Variants in PDZD7 observed in about 807,000 individuals in gnomAD.
The protein encoded by PDZD7 is PDZ domain-containing protein 7.
PDZD7 carries 72 observed loss-of-function variants against 84.7 expected under a neutral mutation model. That is an observed-to-expected ratio of 0.85 (90% confidence interval 0.70 to 1.03). The LOEUF (loss-of-function observed/expected upper bound fraction) is 1.03. Ranked by LOEUF, PDZD7 falls within the 50% of genes least tolerant of loss-of-function variation. The pLI is 0.00. For synonymous variants in PDZD7, 594 were observed against 580.7 expected (o/e 1.02, Z -0.33); for missense variants, 1,490 against 1,412.9 (o/e 1.05, Z -0.87).
intron 11 of PDZD7, among the ~76,000 whole-genome samples, chr10:101,012,606 G>A (rs1316119629): frequency 5.9e-5 from 9 of 152,020 alleles, no homozygotes; most frequent in Non-Finnish European, 1.3e-4. Flanking sequence ...TCAGAGAGAA[G>A]GACTTCACTC....
chr10:101,015,522 C>T, intron 11 of PDZD7, 114 bp downstream of exon 11: 6 of 1,284,936 alleles, frequency 4.7e-6, no homozygotes, highest in Non-Finnish European at 5.3e-6. Flanking sequence ...TTACTGACCA[C>T]TAGCCTCCTG....
At chr10:101,011,609 G>A in intron 14 of PDZD7, 81 bp downstream of exon 14, 1 of 1,512,706 alleles carries the variant, frequency 6.6e-7, no homozygotes, top group Non-Finnish European at 8.8e-7. Context: ...CCCTAGTGGG[G>A]AAAGAAGTAG....
rs1321194809 is a variant in PDZD7, at chr10:101,009,343, G to A, written c.2625C>T (p.Ser875=). ...CCTTGGACTCAATGCCCCCAGAAATGCTGATACCTAGTGACAGGGAGAAAC... is the reference window on the plus strand; with the variant it reads ...CCTTGGACTCAATGCCCCCAGAAATACTGATACCTAGTGACAGGGAGAAAC... The part of the protein sequence containing the change: ...LSKMKQSLGI[S]ISGGIESKVQ... Residue 875 remains serine, a synonymous_variant, in exon 16 of 17, where the codon AGC becomes AGT. Coordinates refer to ENST00000619208, the MANE Select transcript of PDZD7 (RefSeq NM_001195263.2). 3 of 1,535,798 alleles carry A rather than the reference G, an allele frequency of 2.0e-6. No homozygotes were observed. In the East Asian group the frequency reaches 7.3e-5, roughly 38 times the overall value.
Position 101,008,707 on chromosome 10 carries a change from T to G in PDZD7, c.2862A>C (p.Pro954=). ...ELVVRVPGPS[P]RPSPSDSSAL... ...CTGATGAGTCAGAGGGTGAGGGCCG[T>G]GGGCTGGGCCCGGGGACCCTGACCA... is the stretch of plus-strand genomic sequence containing the variant. The change falls in exon 17 of 17, where the codon CCA becomes CCC. Residue 954 remains proline (P), a synonymous_variant. Coordinates refer to ENST00000619208, the MANE Select transcript of PDZD7 (RefSeq NM_001195263.2). 6.5e-7 allele frequency: 1 copy of G among 1,535,924 alleles called. No individual in the cohort carries two copies. Among genetic ancestry groups the G allele is most frequent in the Non-Finnish European group, 8.7e-7 (1 of 1,146,822 alleles).
chr10:101,019,208 C>G lies in PDZD7; in HGVS notation c.938G>C (p.Gly313Ala). ...GGCCGGGGACAGCTGCTGCAGCACC[C>G]CGTTGCTCACTGCAGGGAGTAGAGA... ...EYCWLDRLSN[G>A]VLQQLSPASE... The change falls in exon 8 of 17, where the codon GGG becomes GCG. Residue 313 changes from glycine (G) to alanine (A), a missense_variant. Physicochemically the swap from Gly to Ala is moderately conservative, Grantham distance 60. Transcript: ENST00000619208. 6.5e-7 allele frequency: 1 copy of G among 1,535,756 alleles called. No homozygotes were observed. The highest frequency in any genetic ancestry group is 8.7e-7 in the Non-Finnish European group (1 of 1,146,810).
At chr10:101,030,739 C>T (rs1938103248) in intron 1 of PDZD7, 1 of 189,556 alleles carries the variant, frequency 5.3e-6, no homozygotes, top group Non-Finnish European at 1.1e-5. Flanking sequence ...CATCACCTCT[C>T]TCATGCATAT....
In PDZD7 at chr10:101,022,250, GA is replaced by G; in HGVS notation, c.677del (p.Ile226ThrfsTer53). The G allele has an allele frequency of 6.2e-7, 1 of 1,614,204 alleles. No individual in the cohort carries two copies. Among genetic ancestry groups the G allele is most frequent in the Non-Finnish European group, 8.5e-7 (1 of 1,180,036 alleles). ...TSDDFCLGFN[I>X]RGGKEFGLGI... ...CCAGGCCAAACTCCTTGCCCCCACG[GA>G]TGTTGAAGCCCAGGCAGAAGTCGTC... On this transcript the variant is annotated frameshift_variant, in exon 5 of 17. Coordinates refer to ENST00000619208, the MANE Select transcript of PDZD7 (RefSeq NM_001195263.2). LOFTEE classifies it high-confidence loss of function.
Position 101,008,370 on chromosome 10 carries a change from G to T in PDZD7, c.*97C>A. The T allele has an allele frequency of 8.2e-7, 1 of 1,223,922 alleles. No individual in the cohort carries two copies. The highest frequency in any genetic ancestry group is 1.1e-6 in the Non-Finnish European group (1 of 902,776). The allele number at this position is 1,223,922 out of a possible 1,614,324, so 75.8% of individuals were successfully genotyped here. Reference sequence around the variant, plus strand: ...GTGTGGCACTGGGAGGAGGCAGGGTGGGCAGGAGCTGGAGAGTCCTGAAGA... The same window carrying T: ...GTGTGGCACTGGGAGGAGGCAGGGTTGGCAGGAGCTGGAGAGTCCTGAAGA... On this transcript the variant is annotated 3_prime_UTR_variant, in exon 17 of 17. Transcript: ENST00000619208.
At chr10:101,009,569 CTTTTA>C (rs1185466833) in intron 15 of PDZD7, among the ~76,000 whole-genome samples, 41 of 146,464 alleles carry the variant, frequency 2.8e-4, no homozygotes, top group Middle Eastern at 3.6e-3. Context: ...CCCAAATTCC[CTTTTA>C]TTTATTTATT....
Position 101,019,136 on chromosome 10 carries a change from T to C in PDZD7, c.1010A>G (p.Tyr337Cys), listed in dbSNP as rs1441931895. ...SVSSCASSAP[Y>C]SSGSLPSDRM... ...GTCCGACGGCAGGGAGCCCGAGCTG[T>C]AGGGGGCGCTGGAGGCGCACGAAGA... is the stretch of plus-strand genomic sequence containing the variant. Residue 337 changes from tyrosine (Y) to cysteine (C), a missense_variant, in exon 8 of 17, where the codon TAC (tyrosine) becomes TGC (cysteine). Coordinates refer to ENST00000619208, the MANE Select transcript of PDZD7 (RefSeq NM_001195263.2). 1.9e-6 allele frequency: 3 copies of C among 1,545,992 alleles called. No individual in the cohort carries two copies. The highest frequency in any genetic ancestry group is 1.8e-4 in the Middle Eastern group (1 of 5,636).
At position 101,020,532 on chromosome 10, in the gene PDZD7, C is replaced by T. The variant is rs556018077; in HGVS notation, c.928+86G>A. 155 of 1,299,074 alleles carry T rather than the reference C, an allele frequency of 1.2e-4. No individual in the cohort carries two copies. The African/African-American group carries it at 2.0e-3, about 17-fold the overall frequency. 80.5% of individuals were successfully genotyped at this position (1,299,074 alleles called of 1,614,324 possible). ...GGATTACAGGTGTAAGCCACCAAGCCTGGCCCTTTTCTTCTTCAGAGAGCC... is the reference window on the plus strand; with the variant it reads ...GGATTACAGGTGTAAGCCACCAAGCTTGGCCCTTTTCTTCTTCAGAGAGCC... On this transcript the variant is annotated intron_variant, in intron 7 of 16. Coordinates refer to ENST00000619208, the MANE Select transcript of PDZD7 (RefSeq NM_001195263.2).
intron 2 of PDZD7, among the ~76,000 whole-genome samples, chr10:101,026,222 C>T (rs1316622446): frequency 1.3e-5 from 2 of 151,868 alleles, no homozygotes; most frequent in Admixed American, 6.6e-5. Context: ...GCAACCTCCA[C>T]CTCCTGGGTT....
At chr10:101,018,335 G>A in intron 8 of PDZD7, 39 bp from the exon 9 acceptor site, 1 of 1,609,632 alleles carries the variant, frequency 6.2e-7, no homozygotes, top group Non-Finnish European at 8.5e-7. Context: ...CTGGAGGGGT[G>A]GGCAGAAGGG....
intron 9 of PDZD7, chr10:101,017,577 T>A (rs1262740462): frequency 5.7e-6 from 4 of 701,140 alleles, no homozygotes; most frequent in Non-Finnish European, 1.0e-5. Flanking sequence ...AGTCCAGGAA[T>A]TTGAGACTAG....
At chr10:101,011,146 G>C in intron 14 of PDZD7, 1 of 1,044,576 alleles carries the variant, frequency 9.6e-7, no homozygotes, top group Non-Finnish European at 1.3e-6. Flanking sequence ...GTTCAAGCGA[G>C]TCTCCTGCCT....
rs1345050058 is a variant in PDZD7 at position 101,030,138 on chromosome 10, G to C, written c.82C>G (p.Arg28Gly). Residue 28 changes from arginine to glycine, a missense_variant, in exon 2 of 17, where the codon CGA becomes GGA. Arg to Gly is a moderately radical substitution (Grantham distance 125). Transcript: ENST00000619208. ...CCTGAGTCGCTGCCTAGGTGGCCTC[G>C]GGAGGAGAGGGAGCTCAGAGAGCCG... Reference protein sequence around the residue: ...SSGSLSSLSSRGHLGSDSGST... With the variant: ...SSGSLSSLSSGGHLGSDSGST... 1.9e-6 allele frequency: 3 copies of C among 1,614,136 alleles called. No homozygotes were observed. The highest frequency in any genetic ancestry group is 2.5e-6 in the Non-Finnish European group (3 of 1,180,020).
intron 11 of PDZD7, among the ~76,000 whole-genome samples, chr10:101,014,932 C>T (rs1175566426): frequency 6.6e-6 from 1 of 152,236 alleles, no homozygotes; most frequent in Non-Finnish European, 1.5e-5. Context: ...TGTACACACA[C>T]AGGCCTTCCT....
chr10:101,011,740 G>A lies in PDZD7; in HGVS notation c.1955C>T (p.Pro652Leu), dbSNP rs1035834349. 2 of 1,547,790 alleles carry A rather than the reference G, an allele frequency of 1.3e-6. No homozygotes were observed. Among genetic ancestry groups the A allele is most frequent in the Non-Finnish European group, 8.7e-7 (1 of 1,146,980 alleles). Reference protein sequence around the residue: ...SRAVRPPALRPARQDTPPKRH... With the variant: ...SRAVRPPALRLARQDTPPKRH... ...CTTGGGTGGCGTGTCCTGCCGGGCT[G>A]GTCTCAAAGCAGGAGGCCGGACTGG... Residue 652 changes from proline to leucine, a missense_variant, in exon 14 of 17, where the codon CCA becomes CTA. By Grantham distance (98) the Pro-to-Leu change is moderately conservative (BLOSUM62 -3). Coordinates refer to ENST00000619208, the MANE Select transcript of PDZD7 (RefSeq NM_001195263.2).
rs773511970 is a variant in PDZD7, at chr10:101,030,307, A to G, written c.-88T>C. The G allele has an allele frequency of 2.6e-6, 3 of 1,175,100 alleles. No individual in the cohort carries two copies. In the South Asian group the frequency reaches 3.9e-5, roughly 15 times the overall value. 72.8% of individuals were successfully genotyped at this position (1,175,100 alleles called of 1,614,324 possible). A position where few individuals can be genotyped will look rare whatever the true frequency, so the allele number is the denominator to read the frequency against. On this transcript the variant is annotated 5_prime_UTR_variant, in exon 2 of 17. Transcript: ENST00000619208. The stretch of plus-strand genomic sequence containing the variant: ...AGCCCTGCGTGCTTCGAGCTCCATG[A>G]GCCTCTGTGCGGGGCTGGGGTCTCA...
Sources: gnomAD v4.1 joint callset for allele counts (sites outside exome capture counted in the v4.1 genomes callset) on GRCh38, gnomAD v4.1.1 for gene constraint, MANE v1.5 for transcripts, NCBI Gene and HGNC (gene_info 2026-07-23, HGNC 2026-07-21) for gene names.